Variants in NCKAP5 observed in about 807,000 individuals in gnomAD.
The protein encoded by NCKAP5 is nck-associated protein 5.
A neutral mutation model predicts 167.0 loss-of-function variants in NCKAP5; 92 were observed. The observed-to-expected ratio is 0.55, with a 90% CI of 0.47 to 0.66. The LOEUF is 0.66. Among genes scored for constraint, NCKAP5 ranks in the 30% least tolerant of loss-of-function variants. The pLI, the probability that NCKAP5 is intolerant of heterozygous loss-of-function variation, is 0.00. For missense variants in NCKAP5, 2,378 were observed against 2,315.0 expected, an observed-to-expected ratio of 1.03 and a Z score of -0.56; for synonymous variants, 891 against 877.4, an observed-to-expected ratio of 1.02 and a Z score of -0.27.
At chr2:132,793,346 G>A (rs573687036) in intron 12 of NCKAP5, among the ~76,000 whole-genome samples, 46 of 152,290 alleles carry the variant, frequency 3.0e-4, no homozygotes, top group African/African-American at 8.4e-4. Flanking sequence ...TGAGGGAGGT[G>A]GAGAAGGCCT....
intron 3 of NCKAP5, among the ~76,000 whole-genome samples, chr2:133,437,226 G>A (rs752528901): frequency 4.6e-5 from 7 of 152,028 alleles, no homozygotes; most frequent in African/African-American, 1.2e-4. Context: ...GGTGGCAGGC[G>A]CCTGTAATCC....
chr2:132,945,271 C>A (rs929567771), intron 8 of NCKAP5, among the ~76,000 whole-genome samples: 1 of 149,048 alleles, frequency 6.7e-6, no homozygotes, highest in Non-Finnish European at 1.5e-5. Flanking sequence ...GGGATCCCAC[C>A]TGCTAAGGTG....
chr2:133,035,252 A>T (rs1411046401), intron 6 of NCKAP5, among the ~76,000 whole-genome samples: 1 of 152,056 alleles, frequency 6.6e-6, no homozygotes, highest in Non-Finnish European at 1.5e-5. Flanking sequence ...TGGAGTACCC[A>T]GATGTATAAA....
chr2:133,518,015 G>A (rs1171179809), intron 2 of NCKAP5, among the ~76,000 whole-genome samples: 1 of 152,132 alleles, frequency 6.6e-6, no homozygotes, highest in Non-Finnish European at 1.5e-5. Context: ...AAGGCCCAAT[G>A]AAGGGAAACT....
intron 3 of NCKAP5, among the ~76,000 whole-genome samples, chr2:133,358,395 A>G (rs562302644): frequency 2.0e-5 from 3 of 152,326 alleles, no homozygotes; most frequent in Admixed American, 6.5e-5. Context: ...CCTGGCCAAC[A>G]TAGTGAGACC....
At chr2:133,042,004 C>T (rs2079233288) in intron 6 of NCKAP5, among the ~76,000 whole-genome samples, 2 of 152,194 alleles carry the variant, frequency 1.3e-5, no homozygotes, top group East Asian at 1.9e-4. Context: ...TGTGAGAATG[C>T]TATCTTGAAT....
intron 3 of NCKAP5, among the ~76,000 whole-genome samples, chr2:133,412,475 A>C (rs995736063): frequency 1.3e-5 from 2 of 152,112 alleles, no homozygotes; most frequent in Non-Finnish European, 2.9e-5. Context: ...CCTGATTCTG[A>C]ATTTCTTATT....
intron 16 of NCKAP5, among the ~76,000 whole-genome samples, chr2:132,753,246 T>G (rs1291279600): frequency 6.6e-6 from 1 of 152,218 alleles, no homozygotes; most frequent in East Asian, 1.9e-4. Context: ...ACACAATTTT[T>G]ATACCTCCTT....
chr2:133,124,850 C>G, intron 6 of NCKAP5, among the ~76,000 whole-genome samples: 1 of 152,156 alleles, frequency 6.6e-6, no homozygotes, highest in East Asian at 1.9e-4. Flanking sequence ...GAGTTTGAGA[C>G]CAGCCTGGGC....
intron 3 of NCKAP5, among the ~76,000 whole-genome samples, chr2:133,393,532 C>A (rs181919924): frequency 2.2e-3 from 330 of 152,328 alleles, no homozygotes; most frequent in Non-Finnish European, 3.4e-3. Context: ...TAAAATTCAA[C>A]TGGAATATCC....
intron 6 of NCKAP5, among the ~76,000 whole-genome samples, chr2:132,998,481 A>G (rs2077674498): frequency 6.6e-6 from 1 of 152,178 alleles, no homozygotes; most frequent in African/African-American, 2.4e-5. Flanking sequence ...ACAGGGCCCC[A>G]TCCTAACCCT....
At chr2:133,087,786 G>GT (rs1021585224) in intron 6 of NCKAP5, among the ~76,000 whole-genome samples, 20 of 152,286 alleles carry the variant, frequency 1.3e-4, no homozygotes, top group African/African-American at 4.6e-4. Flanking sequence ...ATGCACAGAT[G>GT]TTTAATGTAG....
intron 4 of NCKAP5, among the ~76,000 whole-genome samples, chr2:133,286,984 C>T (rs891773645): frequency 2.0e-5 from 3 of 152,106 alleles, no homozygotes; most frequent in Non-Finnish European, 2.9e-5. Context: ...TAGCAGAATC[C>T]ATCCCATACT....
rs2105415122 is a variant in NCKAP5, at chr2:132,839,786, A to G, written c.807+20706T>C. ...AAAAAAAAAAAAAAAAAAAAGGCGC[A>G]AATAACTACTAATAGCCTACTGTTG... is the stretch of plus-strand genomic sequence containing the variant. On this transcript the variant is annotated intron_variant, in intron 11 of 19. Transcript: ENST00000409261. 1.3e-5 allele frequency among the ~76,000 whole-genome samples: 2 copies of G among 150,584 alleles called. 1 individual carries two copies. Among genetic ancestry groups the G allele is most frequent in the South Asian group, 4.2e-4 (2 of 4,746 alleles).
intron 6 of NCKAP5, among the ~76,000 whole-genome samples, chr2:132,995,396 A>G (rs2077565556): frequency 6.6e-6 from 1 of 152,120 alleles, no homozygotes; most frequent in Non-Finnish European, 1.5e-5. Flanking sequence ...CATACCTGTG[A>G]TCTCAGCACT....
Position 132,935,254 on chromosome 2 carries a change from T to C in NCKAP5, c.579+28466A>G, listed in dbSNP as rs1182069625. Among the ~76,000 whole-genome samples the C allele has an allele frequency of 2.0e-5, 3 of 152,314 alleles. No individual in the cohort carries two copies. In the East Asian group the frequency reaches 5.8e-4, roughly 29 times the overall value. ...TTGAAACAAGCCATCTTAAGAATGA[T>C]GTTAACTCATGGAAAGAGAAAAGCC... On this transcript the variant is annotated intron_variant, in intron 8 of 19. Transcript: ENST00000409261.
At chr2:133,332,079 GA>G (rs978812587) in intron 3 of NCKAP5, among the ~76,000 whole-genome samples, 1 of 152,182 alleles carries the variant, frequency 6.6e-6, no homozygotes, top group Non-Finnish European at 1.5e-5. Flanking sequence ...TGGGTGATGA[GA>G]AAAAGTGTGC....
intron 6 of NCKAP5, among the ~76,000 whole-genome samples, chr2:133,110,247 T>A (rs540895362): frequency 9.2e-4 from 140 of 152,218 alleles, no homozygotes; most frequent in Non-Finnish European, 1.5e-3. Flanking sequence ...TTGTTACTAA[T>A]AAAGTCCTGA....
chr2:132,820,534 T>TTTTTTGC (rs1686646724), intron 11 of NCKAP5, among the ~76,000 whole-genome samples: 1 of 151,968 alleles, frequency 6.6e-6, no homozygotes, highest in African/African-American at 2.4e-5. Flanking sequence ...AGCCAGTGTT[T>TTTTTTGC]TTTTTGTTTT....
Sources: allele counts gnomAD v4.1 joint callset (sites outside exome capture counted in the v4.1 genomes callset), GRCh38; gene constraint gnomAD v4.1.1; transcripts MANE v1.5; gene names NCBI Gene and HGNC (gene_info 2026-07-23, HGNC 2026-07-21).